The following EML6 variants were observed in gnomAD, a reference collection of about 807,000 sequenced individuals.
The protein encoded by EML6 is EMAP like 6, also known as echinoderm microtubule-associated protein-like 6.
Under a neutral mutation model 240.1 loss-of-function variants are expected in EML6, and 154 were observed. That is an observed-to-expected ratio of 0.64 (90% CI 0.56 to 0.73). The LOEUF (loss-of-function observed/expected upper bound fraction) is 0.73. Ranked by LOEUF, EML6 falls within the 30% of genes least tolerant of loss-of-function variation. The probability of loss-of-function intolerance (pLI) is 0.00; values close to 1 mark genes in which losing one functional copy is unlikely to be tolerated. For synonymous variants in EML6, 1,148 were observed against 899.0 expected (o/e 1.28, Z -4.95); for missense variants, 2,964 against 2,474.6 (o/e 1.20, Z -4.20).
rs1670225911 is a variant in EML6, at chr2:54,853,863, C to T, written c.1657+8C>T. ...TTCCTTGTCTCAAGAGAGGTAAGGC[C>T]AAAAGAGATGTTTCATTGCATAAAG... On this transcript the variant is annotated splice_region_variant and intron_variant, in intron 11 of 41. Transcript: ENST00000356458. The T allele has an allele frequency of 2.0e-6, 3 of 1,531,448 alleles. No individual in the cohort carries two copies. Among genetic ancestry groups the T allele is most frequent in the Non-Finnish European group, 2.7e-6 (3 of 1,129,614 alleles). The allele number at this position is 1,531,448 out of a possible 1,614,324, so 94.9% of individuals were successfully genotyped here.
At chr2:54,819,726 G>A (rs1484248192) in intron 4 of EML6, among the ~76,000 whole-genome samples, 10 of 89,052 alleles carry the variant, frequency 1.1e-4, no homozygotes, top group Non-Finnish European at 2.3e-4. Flanking sequence ...AGTGAGCCGA[G>A]ATCACGCCAC....
intron 22 of EML6, among the ~76,000 whole-genome samples, chr2:54,900,103 C>A (rs2104194764): frequency 6.6e-6 from 1 of 152,290 alleles, no homozygotes; most frequent in African/African-American, 2.4e-5. Context: ...TTAAAGAATG[C>A]TATTTATTTT....
intron 32 of EML6, among the ~76,000 whole-genome samples, chr2:54,954,850 T>G (rs188070939): frequency 1.3e-5 from 2 of 152,266 alleles, no homozygotes; most frequent in Non-Finnish European, 2.9e-5. Flanking sequence ...GTCAGAACAT[T>G]AATGAGGTCT....
intron 12 of EML6, 93 bp from the exon 13 acceptor site, chr2:54,863,689 CT>C: frequency 1.5e-6 from 1 of 687,384 alleles, no homozygotes; most frequent in Middle Eastern, 3.8e-4. Context: ...TTTTTATTTA[CT>C]TTGCTAGGAT....
At chr2:54,824,347 G>A (rs1461708393) in intron 5 of EML6, among the ~76,000 whole-genome samples, 1 of 152,106 alleles carries the variant, frequency 6.6e-6, no homozygotes, top group African/African-American at 2.4e-5. Context: ...CAAAGAATCT[G>A]GAATGTCTAC....
In EML6 at chr2:54,725,260, TA is replaced by T; in HGVS notation, c.197+4del. 1 of 1,425,418 alleles carries T rather than the reference TA, an allele frequency of 7.0e-7. No individual in the cohort carries two copies. Among genetic ancestry groups the T allele is most frequent in the Non-Finnish European group, 9.3e-7 (1 of 1,077,332 alleles). 88.3% of individuals were successfully genotyped at this position (1,425,418 alleles called of 1,614,324 possible). On this transcript the variant is annotated splice_donor_region_variant and intron_variant, in intron 2 of 41. Transcript: ENST00000356458. This position sits in a 1 kb window ranked among gnomAD's most constrained non-coding sequence, Gnocchi z 4.3. ...GGGACACAACGACGACATTATCAGG[TA>T]AGGGGGTGGCCAGGGGCGGCGGGGA...
Position 54,961,184 on chromosome 2 carries a change from G to GTTGTTTTTTTTTTTTTGTCTTTTTTTT in EML6, c.4968+852_4968+853insGTTTTTTTTTTTTTGTCTTTTTTTTTT. Among the ~76,000 whole-genome samples, 2 of 55,424 alleles carry GTTGTTTTTTTTTTTTTGTCTTTTTTTT rather than the reference G, an allele frequency of 3.6e-5. 1 individual carries two copies. Among genetic ancestry groups the GTTGTTTTTTTTTTTTTGTCTTTTTTTT allele is most frequent in the African/African-American group, 1.6e-4 (2 of 12,356 alleles). The allele number at this position is 55,424 out of a possible 152,430, so 36.4% of individuals were successfully genotyped here. Reference sequence around the variant, plus strand: ...GGAGCCTGGAAGTTATCAGGAAGTAGTTTTTTTTTTTTTTTTTTTGAGACG... The same window carrying GTTGTTTTTTTTTTTTTGTCTTTTTTTT: ...GGAGCCTGGAAGTTATCAGGAAGTAGTTGTTTTTTTTTTTTTGTCTTTTTTTTTTTTTTTTTTTTTTTTTTTGAGACG... On this transcript the variant is annotated intron_variant, in intron 35 of 41. Transcript: ENST00000356458.
intron 2 of EML6, among the ~76,000 whole-genome samples, chr2:54,760,141 C>G (rs114394619): frequency 6.6e-6 from 1 of 151,106 alleles, no homozygotes; most frequent in Non-Finnish European, 1.5e-5. Flanking sequence ...GTGTTTGACT[C>G]GATCCATATT....
At chr2:54,753,690 G>C (rs1684274486) in intron 2 of EML6, among the ~76,000 whole-genome samples, 1 of 148,166 alleles carries the variant, frequency 6.7e-6, no homozygotes, top group African/African-American at 2.5e-5. Context: ...TTGAGAGACT[G>C]GGTCTGATTC....
At chr2:54,897,038 A>G (rs1672808421) in intron 21 of EML6, among the ~76,000 whole-genome samples, 1 of 152,178 alleles carries the variant, frequency 6.6e-6, no homozygotes, top group Non-Finnish European at 1.5e-5. Flanking sequence ...TTCCAAACTA[A>G]ATCTTTTTTT....
chr2:54,944,121 C>T (rs563391625), intron 28 of EML6, among the ~76,000 whole-genome samples: 2 of 152,256 alleles, frequency 1.3e-5, no homozygotes, highest in Non-Finnish European at 2.9e-5. Flanking sequence ...TCTACCCTCT[C>T]TCTTAATTAA....
chr2:54,899,202 C>T (rs1158480577), intron 21 of EML6, among the ~76,000 whole-genome samples: 2 of 152,170 alleles, frequency 1.3e-5, no homozygotes, highest in South Asian at 2.1e-4. Flanking sequence ...ATGAATGGGT[C>T]GTACCTGCAT....
intron 10 of EML6, 126 bp from the exon 11 acceptor site, chr2:54,853,517 A>G (rs1304303194): frequency 1.4e-5 from 9 of 656,530 alleles, no homozygotes; most frequent in South Asian, 3.0e-5. Flanking sequence ...CGCAAATGGG[A>G]TAAAGAGATT....
At chr2:54,744,901 C>A (rs534346256) in intron 2 of EML6, among the ~76,000 whole-genome samples, 30 of 130,818 alleles carry the variant, frequency 2.3e-4, no homozygotes, top group African/African-American at 8.7e-4. Flanking sequence ...ACAACACACA[C>A]ACGTACACAC....
chr2:54,922,878 G>C (rs1353208336), intron 26 of EML6, among the ~76,000 whole-genome samples: 1 of 151,864 alleles, frequency 6.6e-6, no homozygotes. Flanking sequence ...GAAGGGTGGT[G>C]GCCAAGGACT....
intron 28 of EML6, among the ~76,000 whole-genome samples, chr2:54,939,087 T>G (rs1248568771): frequency 6.6e-6 from 1 of 152,264 alleles, no homozygotes; most frequent in Non-Finnish European, 1.5e-5. Flanking sequence ...ATAAATGGAT[T>G]CCTTAACAAC....
chr2:54,788,451 A>C (rs1260887442), intron 2 of EML6, among the ~76,000 whole-genome samples: 1 of 151,946 alleles, frequency 6.6e-6, no homozygotes, highest in East Asian at 1.9e-4. Flanking sequence ...TCATGTGTCC[A>C]CGCTTAGGAT....
intron 24 of EML6, 81 bp from the exon 25 acceptor site, chr2:54,910,873 A>G: frequency 1.5e-6 from 1 of 686,280 alleles, no homozygotes; most frequent in Non-Finnish European, 2.5e-6. Context: ...ATGAATCAAA[A>G]TAGCACCCAT....
chr2:54,891,013 C>A, intron 17 of EML6, 41 bp from the exon 18 acceptor site: 1 of 968,076 alleles, frequency 1.0e-6, no homozygotes, highest in Non-Finnish European at 1.5e-6. Context: ...GTTACTGCTT[C>A]CATCCAAACT....
Sources: gnomAD v4.1 joint callset for allele counts (sites outside exome capture counted in the v4.1 genomes callset) on GRCh38, gnomAD v4.1.1 for gene constraint, Gnocchi (gnomAD v3.1) non-coding constraint, MANE v1.5 for transcripts, NCBI Gene and HGNC (gene_info 2026-07-23, HGNC 2026-07-21) for gene names.